TRHDE: variants seen among roughly 807,000 people sequenced by gnomAD.
The protein encoded by TRHDE is thyrotropin releasing hormone degrading enzyme.
Under a neutral mutation model 125.7 loss-of-function variants are expected in TRHDE, and 72 were observed. The observed-to-expected ratio is 0.57, with a 90% CI of 0.47 to 0.70. The LOEUF (loss-of-function observed/expected upper bound fraction) is 0.70. Among genes scored for constraint, TRHDE ranks in the 30% least tolerant of loss-of-function variants. The pLI is 0.00. For synonymous variants in TRHDE, 509 were observed against 509.1 expected (o/e 1.00, Z 0.00); for missense variants, 1,110 against 1,327.1 (o/e 0.84, Z 2.54).
chr12:72,591,092 G>A (rs1254721598), intron 12 of TRHDE, among the ~76,000 whole-genome samples: 1 of 152,156 alleles, frequency 6.6e-6, no homozygotes, highest in African/African-American at 2.4e-5. Context: ...GCAGGAGACT[G>A]TGCAGGGAAG....
chr12:72,357,312 T>C (rs936211356), intron 2 of TRHDE, among the ~76,000 whole-genome samples: 3 of 151,582 alleles, frequency 2.0e-5, no homozygotes, highest in Non-Finnish European at 4.4e-5. Flanking sequence ...AAGATGTTTT[T>C]ACTTGTTCAT....
At chr12:72,353,006 A>T (rs187640961) in intron 2 of TRHDE, among the ~76,000 whole-genome samples, 1 of 151,744 alleles carries the variant, frequency 6.6e-6, no homozygotes. Flanking sequence ...TTTTTTAAAA[A>T]AATTACCCAA....
intron 2 of TRHDE, among the ~76,000 whole-genome samples, chr12:72,165,580 A>G (rs913304380): frequency 6.6e-6 from 1 of 152,122 alleles, no homozygotes; most frequent in Non-Finnish European, 1.5e-5. Flanking sequence ...CCAATTCCTG[A>G]GTATAGAATT....
chr12:72,431,913 G>C lies in TRHDE; in HGVS notation c.1316-37845G>C, dbSNP rs563588961. The C allele has an allele frequency of 1.6e-5, 3 of 190,780 alleles. No homozygotes were observed. The South Asian group carries it at 3.3e-4, about 21-fold the overall frequency. 11.8% of individuals were successfully genotyped at this position (190,780 alleles called of 1,614,324 possible). On this transcript the variant is annotated intron_variant, in intron 3 of 18. Transcript: ENST00000261180. ...GAGAAATTTGCTAATCAGAAGTTCA[G>C]TGGACTTCTGATAACAAATTTCACG...
intron 12 of TRHDE, among the ~76,000 whole-genome samples, chr12:72,592,827 C>T (rs1012079375): frequency 6.6e-6 from 1 of 151,968 alleles, no homozygotes; most frequent in Non-Finnish European, 1.5e-5. Flanking sequence ...TCTCCTGCCT[C>T]AGCATCCCGA....
At chr12:72,587,062 A>T (rs1053115326) in intron 12 of TRHDE, among the ~76,000 whole-genome samples, 3 of 152,168 alleles carry the variant, frequency 2.0e-5, no homozygotes, top group African/African-American at 7.2e-5. Context: ...TAATTGTGTA[A>T]GCTGAGGGCA....
chr12:72,350,986 C>T (rs765466990), intron 2 of TRHDE, among the ~76,000 whole-genome samples: 5 of 151,966 alleles, frequency 3.3e-5, no homozygotes, highest in Admixed American at 6.6e-5. Flanking sequence ...TGACTGTGAA[C>T]TTGAAGGAAA....
chr12:72,558,281 G>A (rs966472255), intron 7 of TRHDE, among the ~76,000 whole-genome samples: 1 of 152,114 alleles, frequency 6.6e-6, no homozygotes, highest in African/African-American at 2.4e-5. Context: ...AAGTGGATGG[G>A]GAATGATTCC....
intron 2 of TRHDE, among the ~76,000 whole-genome samples, chr12:72,141,558 A>G (rs548692972): frequency 8.6e-4 from 131 of 152,324 alleles, no homozygotes; most frequent in African/African-American, 3.0e-3. Context: ...TTGGCTTTTT[A>G]TTATAGCAGT....
chr12:72,652,208 TAGCAAAATAATCTTTTAAAAA>T (rs1874533490), intron 15 of TRHDE, 93 bp from the exon 16 acceptor site: 1 of 608,926 alleles, frequency 1.6e-6, no homozygotes, highest in Non-Finnish European at 2.5e-6. Context: ...AAAATCTAAT[TAGCAAAATAATCTTTTAAAAA>T]ACTGACTGTA....
Position 72,666,475 on chromosome 12 carries a change from T to C in TRHDE, c.*3280T>C, listed in dbSNP as rs1875117602. 1 of 151,978 alleles carries C rather than the reference T, an allele frequency of 6.6e-6. No homozygotes were observed. Among genetic ancestry groups the C allele is most frequent in the Admixed American group, 6.6e-5 (1 of 15,242 alleles). The allele number at this position is 151,978 out of a possible 1,614,324, so 9.4% of individuals were successfully genotyped here. A position where few individuals can be genotyped will look rare whatever the true frequency, so the allele number is the denominator to read the frequency against. On this transcript the variant is annotated 3_prime_UTR_variant, in exon 19 of 19. Transcript: ENST00000261180. Reference sequence around the variant, plus strand: ...GGCTGAGGTGGGAGAATTATTTAAGTCCAAAAGTTCAGTGCTCTAGTGAGC... The same window carrying C: ...GGCTGAGGTGGGAGAATTATTTAAGCCCAAAAGTTCAGTGCTCTAGTGAGC...
At chr12:72,427,310 T>G (rs1411872375) in intron 3 of TRHDE, among the ~76,000 whole-genome samples, 1 of 152,074 alleles carries the variant, frequency 6.6e-6, no homozygotes, top group Non-Finnish European at 1.5e-5. Context: ...GGCACTTTCT[T>G]CTCCCCTAGA....
chr12:72,574,633 C>G (rs75039779), intron 10 of TRHDE, among the ~76,000 whole-genome samples: 9,362 of 152,052 alleles, frequency 0.062, 975 homozygotes, highest in African/African-American at 0.21. Context: ...TGAGGATAAT[C>G]AAATTACCAT....
Position 72,279,922 on chromosome 12 carries a change from G to A in TRHDE, c.914+6365G>A, listed in dbSNP as rs527384853. ...CCTCATGACTACACAACTAAAAAAA[G>A]AAAAATCAGAGGATAGACAAAGAAA... On this transcript the variant is annotated intron_variant, in intron 1 of 18. Transcript: ENST00000261180. Among the ~76,000 whole-genome samples, 15 of 152,260 alleles carry A rather than the reference G, an allele frequency of 9.9e-5. No homozygotes were observed. In the East Asian group the frequency reaches 2.9e-3, roughly 29 times the overall value.
chr12:72,377,332 A>T (rs1298706850), intron 2 of TRHDE, among the ~76,000 whole-genome samples: 1 of 149,082 alleles, frequency 6.7e-6, no homozygotes, highest in Admixed American at 6.7e-5. Context: ...CAAGGACTAG[A>T]TAATATACAA....
chr12:72,192,822 T>C (rs569052144), intron 2 of TRHDE, among the ~76,000 whole-genome samples: 1 of 152,236 alleles, frequency 6.6e-6, no homozygotes, highest in South Asian at 2.1e-4. Context: ...AGTTGTTATC[T>C]TCAATAAGCA....
intron 2 of TRHDE, among the ~76,000 whole-genome samples, chr12:72,261,892 T>C (rs1051931289): frequency 6.6e-6 from 1 of 152,190 alleles, no homozygotes; most frequent in Non-Finnish European, 1.5e-5. Context: ...TGGAACTGGC[T>C]CTGTGTCTCT....
intron 7 of TRHDE, among the ~76,000 whole-genome samples, chr12:72,549,557 T>A (rs1170359415): frequency 6.6e-6 from 1 of 151,852 alleles, no homozygotes; most frequent in African/African-American, 2.4e-5. Flanking sequence ...GGTAAAAAGG[T>A]TAATAACTTG....
Position 72,272,575 on chromosome 12 carries a change from G to A in TRHDE, c.-69G>A, listed in dbSNP as rs1879266923. On this transcript the variant is annotated 5_prime_UTR_variant, in exon 1 of 19. Coordinates refer to ENST00000261180, the MANE Select transcript of TRHDE (RefSeq NM_013381.3). This position sits in a 1 kb window ranked among gnomAD's most constrained non-coding sequence, Gnocchi z 6.7. Reference sequence around the variant, plus strand: ...GCGTGAGCTCTCCGATGCCTGCTCTGGCTGTGGCCCGGGTGGCCCGCCCGC... The same window carrying A: ...GCGTGAGCTCTCCGATGCCTGCTCTAGCTGTGGCCCGGGTGGCCCGCCCGC... 9.6e-6 allele frequency: 6 copies of A among 624,588 alleles called. No individual in the cohort carries two copies. The highest frequency in any genetic ancestry group is 1.6e-5 in the Non-Finnish European group (6 of 369,262). The allele number at this position is 624,588 out of a possible 1,614,324, so 38.7% of individuals were successfully genotyped here. A position where few individuals can be genotyped will look rare whatever the true frequency, so the allele number is the denominator to read the frequency against.
Sources: gnomAD v4.1 joint callset for allele counts (sites outside exome capture counted in the v4.1 genomes callset) on GRCh38, gnomAD v4.1.1 for gene constraint, Gnocchi (gnomAD v3.1) non-coding constraint, MANE v1.5 for transcripts, NCBI Gene and HGNC (gene_info 2026-07-23, HGNC 2026-07-21) for gene names.